RELB: variants seen among roughly 807,000 people sequenced by gnomAD.
The protein encoded by RELB is transcription factor RelB.
A neutral mutation model predicts 55.4 loss-of-function variants in RELB; 14 were observed. The observed-to-expected ratio is 0.25, with a 90% CI of 0.17 to 0.40. RELB has a LOEUF of 0.40. Among genes scored for constraint, RELB ranks in the 10% least tolerant of loss-of-function variants. The pLI is 1.00. For missense variants in RELB, 669 were observed against 830.7 expected (o/e 0.81, Z 2.39); for synonymous variants, 409 against 371.3 (o/e 1.10, Z -1.17).
chr19:45,025,826 C>T (rs1264303393), intron 7 of RELB, 89 bp downstream of exon 7: 1 of 1,509,962 alleles, frequency 6.6e-7, no homozygotes, highest in African/African-American at 1.4e-5. Context: ...GGCTCAGGCG[C>T]TGTGGCTCAC....
chr19:45,026,597 G>A (rs565699373), intron 7 of RELB, among the ~76,000 whole-genome samples: 1 of 152,136 alleles, frequency 6.6e-6, no homozygotes, highest in Non-Finnish European at 1.5e-5. Context: ...TAGTGTTGTA[G>A]AATGAACAAT....
At chr19:45,025,969 C>T (rs566049248) in intron 7 of RELB, among the ~76,000 whole-genome samples, 5 of 152,148 alleles carry the variant, frequency 3.3e-5, no homozygotes, top group East Asian at 1.9e-4. Context: ...TGGCCAGGCA[C>T]GGTGGCTCAT....
chr19:45,032,692 C>T lies in RELB; in HGVS notation c.1150C>T (p.Leu384Phe). ...PVTVNVFLQR[L>F]TDGVCSEPLP... ...GACAGTCAACGTCTTCCTGCAGCGG[C>T]TCACCGATGGGGTCTGCAGCGAGCC... Residue 384 changes from leucine to phenylalanine, a missense_variant, in exon 9 of 12, where the codon CTC becomes TTC. Physicochemically the swap from Leu to Phe is conservative, Grantham distance 22. Transcript: ENST00000221452. 1 of 1,610,744 alleles carries T rather than the reference C, an allele frequency of 6.2e-7. No homozygotes were observed. The highest frequency in any genetic ancestry group is 8.5e-7 in the Non-Finnish European group (1 of 1,178,720).
At chr19:45,025,558 G>A in intron 6 of RELB, 48 bp from the exon 7 acceptor site, 1 of 1,611,634 alleles carries the variant, frequency 6.2e-7, no homozygotes, top group Non-Finnish European at 8.5e-7. Context: ...GTACCCCAGA[G>A]AGGGTCTCCA....
intron 2 of RELB, among the ~76,000 whole-genome samples, chr19:45,007,772 C>T (rs1040584409): frequency 5.3e-5 from 8 of 151,792 alleles, no homozygotes; most frequent in Non-Finnish European, 8.8e-5. Flanking sequence ...GCAGGAGAAT[C>T]GCTAGAACCC....
At position 45,037,757 on chromosome 19, in the gene RELB, C is replaced by G; in HGVS notation, c.1707C>G (p.Gly569=). 1 of 1,487,112 alleles carries G rather than the reference C, an allele frequency of 6.7e-7. No homozygotes were observed. Among genetic ancestry groups the G allele is most frequent in the Non-Finnish European group, 8.9e-7 (1 of 1,121,378 alleles). 92.1% of individuals were successfully genotyped at this position (1,487,112 alleles called of 1,614,324 possible). A position where few individuals can be genotyped will look rare whatever the true frequency, so the allele number is the denominator to read the frequency against. ...ATTACCGCGAGGCGGCCTTTGGGGG[C>G]GGCCTCCTATCCCCGGGGCCTGAAG... ...PNHYREAAFG[G]GLLSPGPEAT The change falls in exon 12 of 12, where the codon GGC becomes GGG. Residue 569 remains glycine (G), a synonymous_variant. Coordinates refer to ENST00000221452, the MANE Select transcript of RELB (RefSeq NM_006509.4).
Position 45,022,167 on chromosome 19 carries a change from A to G in RELB, c.619A>G (p.Ile207Val). ...CGTGGGGAAAGACTGCACCGACGGC[A>G]TCTGCAGGGTGCGGCTCCGGCCTCA... Reference protein sequence around the residue: ...SLVGKDCTDGICRVRLRPHVS... With the variant: ...SLVGKDCTDGVCRVRLRPHVS... The change falls in exon 5 of 12, where the codon ATC becomes GTC. Residue 207 changes from isoleucine to valine, a missense_variant. Around this residue, in one of 3 missense-constraint regions of RELB, gnomAD observed 323 missense variants for 368.5 expected, o/e 0.88. Coordinates refer to ENST00000221452, the MANE Select transcript of RELB (RefSeq NM_006509.4). 6.2e-7 allele frequency: 1 copy of G among 1,612,070 alleles called. No homozygotes were observed. The highest frequency in any genetic ancestry group is 1.7e-5 in the Admixed American group (1 of 59,980).
At chr19:45,029,453 C>G (rs1971596023) in intron 8 of RELB, among the ~76,000 whole-genome samples, 1 of 152,006 alleles carries the variant, frequency 6.6e-6, no homozygotes, top group Non-Finnish European at 1.5e-5. Context: ...TGGCTCAAGC[C>G]TGTAATCCCA....
chr19:45,005,827 C>T (rs1459459975), intron 2 of RELB, among the ~76,000 whole-genome samples: 1 of 152,180 alleles, frequency 6.6e-6, no homozygotes, highest in Non-Finnish European at 1.5e-5. Context: ...CGGTCTGGAA[C>T]TCCTGGCCTC....
chr19:45,021,459 A>C (rs1302702420), intron 4 of RELB, among the ~76,000 whole-genome samples: 4 of 147,106 alleles, frequency 2.7e-5, no homozygotes, highest in Non-Finnish European at 6.0e-5. Context: ...TCCATCTCAA[A>C]AAAAAAAAAA....
chr19:45,009,335 C>T (rs1228630125), intron 2 of RELB, among the ~76,000 whole-genome samples: 3 of 152,166 alleles, frequency 2.0e-5, no homozygotes, highest in Admixed American at 1.3e-4. Flanking sequence ...CCCACCTCAG[C>T]CTCCCAAAGT....
At chr19:45,004,608 C>T (rs998320904) in intron 2 of RELB, among the ~76,000 whole-genome samples, 28 of 151,644 alleles carry the variant, frequency 1.8e-4, no homozygotes, top group Non-Finnish European at 3.2e-4. Context: ...TGGCTCATGC[C>T]TGTAATCCCG....
intron 3 of RELB, 115 bp from the exon 4 acceptor site, chr19:45,011,795 TGTGAGAGAGAGAGAGAGAGAGAGAGA>T (rs1674000704): frequency 5.0e-6 from 1 of 199,538 alleles, no homozygotes; most frequent in African/African-American, 6.6e-5. Context: ...TGTGTGTGTG[TGTGAGAGAGAGAGAGAGAGAGAGAGA>T]GAGAGAGAGA....
At chr19:45,032,457 T>G in intron 8 of RELB, 77 bp from the exon 9 acceptor site, 1 of 1,228,662 alleles carries the variant, frequency 8.1e-7, no homozygotes, top group Non-Finnish European at 1.2e-6. Flanking sequence ...AGTCTTGATT[T>G]TAGGGGAGGC....
intron 3 of RELB, 35 bp from the exon 4 acceptor site, chr19:45,011,901 A>T: frequency 7.6e-7 from 1 of 1,323,690 alleles, no homozygotes; most frequent in Non-Finnish European, 1.0e-6. Context: ...TTTTTAAAGA[A>T]TGGGCGTCAC....
intron 4 of RELB, among the ~76,000 whole-genome samples, chr19:45,018,739 C>T (rs1398675249): frequency 6.7e-6 from 1 of 150,366 alleles, no homozygotes; most frequent in Non-Finnish European, 1.5e-5. Flanking sequence ...TGCAATGGCG[C>T]GATCTCGGCT....
chr19:45,031,612 G>A (rs1367883391), intron 8 of RELB, among the ~76,000 whole-genome samples: 2 of 152,070 alleles, frequency 1.3e-5, no homozygotes, highest in Non-Finnish European at 2.9e-5. Context: ...GTCTTGCTCT[G>A]TCCCCCAGGC....
intron 2 of RELB, among the ~76,000 whole-genome samples, chr19:45,008,917 G>C (rs956836765): frequency 6.6e-6 from 1 of 152,132 alleles, no homozygotes; most frequent in Non-Finnish European, 1.5e-5. Context: ...AGCTTTCCTG[G>C]GGAGGTGAAA....
chr19:45,002,903 C>G, intron 1 of RELB, 46 bp from the exon 2 acceptor site: 1 of 1,556,858 alleles, frequency 6.4e-7, no homozygotes, highest in Non-Finnish European at 8.8e-7. Context: ...CTCTGGTCCT[C>G]TGGCTGCCCC....
Sources: allele counts gnomAD v4.1 joint callset (sites outside exome capture counted in the v4.1 genomes callset), GRCh38; gene constraint gnomAD v4.1.1; regional missense constraint gnomAD v4.1.1; transcripts MANE v1.5; gene names NCBI Gene and HGNC (gene_info 2026-07-23, HGNC 2026-07-21).